THADA: variants seen among roughly 807,000 people sequenced by gnomAD.
THADA encodes the protein THADA armadillo repeat containing.
THADA carries 213 observed loss-of-function variants against 219.8 expected under a neutral mutation model. The ratio of observed to expected loss-of-function variants is 0.97; its 90% CI spans 0.87 to 1.09. THADA has a LOEUF of 1.09. Ranked by LOEUF, THADA falls within the 50% of genes least tolerant of loss-of-function variation. THADA has a pLI of 0.00. For missense variants in THADA, 2,956 were observed against 2,311.3 expected, an observed-to-expected ratio of 1.28 and a Z score of -5.72; for synonymous variants, 1,018 against 828.9, an observed-to-expected ratio of 1.23 and a Z score of -3.92.
At chr2:43,570,632 A>G (rs1699188904) in intron 13 of THADA, 122 bp from the exon 14 acceptor site, 1 of 990,544 alleles carries the variant, frequency 1.0e-6, no homozygotes, top group Non-Finnish European at 1.4e-6. Flanking sequence ...TAAGCTCTTA[A>G]TATTTTATAA....
intron 29 of THADA, among the ~76,000 whole-genome samples, chr2:43,377,558 G>A (rs764570636): frequency 2.0e-4 from 31 of 152,182 alleles, no homozygotes; most frequent in African/African-American, 6.3e-4. Flanking sequence ...AGCTTACAGC[G>A]ATGAAAAACT....
chr2:43,592,423 G>C lies in THADA; in HGVS notation c.-24-7C>G. On this transcript the variant is annotated splice_region_variant and splice_polypyrimidine_tract_variant and intron_variant, in intron 1 of 37. Coordinates refer to ENST00000405975, the MANE Select transcript of THADA (RefSeq NM_022065.5). ...ATAGAATTAATAGTAGTCACTGCAA[G>C]AAAGAAGACTTTAAGGCATTAATGT... 6.7e-7 allele frequency: 1 copy of C among 1,483,244 alleles called. No homozygotes were observed. The highest frequency in any genetic ancestry group is 9.3e-7 in the Non-Finnish European group (1 of 1,080,658). The allele number at this position is 1,483,244 out of a possible 1,614,324, so 91.9% of individuals were successfully genotyped here. A position where few individuals can be genotyped will look rare whatever the true frequency, so the allele number is the denominator to read the frequency against.
At chr2:43,450,750 AG>A (rs1682209519) in intron 26 of THADA, among the ~76,000 whole-genome samples, 1 of 152,244 alleles carries the variant, frequency 6.6e-6, no homozygotes, top group Non-Finnish European at 1.5e-5. Flanking sequence ...CTTTAGCTCT[AG>A]GGACACAAAT....
Position 43,232,749 on chromosome 2 carries a change from ACT to A in THADA, c.5428_5429del (p.Ser1810Ter), listed in dbSNP as rs1558439485. 7 of 1,613,354 alleles carry A rather than the reference ACT, an allele frequency of 4.3e-6. No individual in the cohort carries two copies. The highest frequency in any genetic ancestry group is 2.2e-5 in the East Asian group (1 of 44,848). On this transcript the variant is annotated frameshift_variant, in exon 37 of 38. Transcript: ENST00000405975. LOFTEE classifies it low-confidence loss of function (END_TRUNC). ...TCTCCACACAGGCCACGAGGTCATCACTCTCTCCCAACAGCCATCCCAGCAGG... is the reference window on the plus strand; with the variant it reads ...TCTCCACACAGGCCACGAGGTCATCACTCTCCCAACAGCCATCCCAGCAGG... ...PILLGWLLGE[S>X]DDLVACVESM...
chr2:43,367,421 T>G (rs1670288875), intron 29 of THADA, among the ~76,000 whole-genome samples: 1 of 152,238 alleles, frequency 6.6e-6, no homozygotes, highest in Non-Finnish European at 1.5e-5. Flanking sequence ...GTAATATTTT[T>G]GGGTCATGTT....
chr2:43,500,722 G>A (rs1331305115), intron 24 of THADA, among the ~76,000 whole-genome samples: 1 of 152,080 alleles, frequency 6.6e-6, no homozygotes, highest in Non-Finnish European at 1.5e-5. Context: ...GGTTCCAGCA[G>A]CAAAGTACAA....
At chr2:43,272,390 C>T (rs1672227627) in intron 36 of THADA, among the ~76,000 whole-genome samples, 1 of 152,132 alleles carries the variant, frequency 6.6e-6, no homozygotes. Context: ...GGCAGGAAGA[C>T]CAGGCTGTAG....
rs1411731292 is a variant in THADA, at chr2:43,231,068, G to A, written c.5742C>T (p.Cys1914=). 2 of 1,613,954 alleles carry A rather than the reference G, an allele frequency of 1.2e-6. No homozygotes were observed. The highest frequency in any genetic ancestry group is 2.7e-5 in the African/African-American group (2 of 75,034). Residue 1914 remains cysteine (C), a synonymous_variant, in exon 38 of 38, where the codon TGC becomes TGT. Coordinates refer to ENST00000405975, the MANE Select transcript of THADA (RefSeq NM_022065.5). The part of the protein sequence containing the change: ...LRIQEERTLA[C]LRLLAFLEGK... ...CTTCCAAAAAGGCCAGCAGCCTCAA[G>A]CAAGCCAAAGTCCTTTCCTCTTGAA...
chr2:43,428,210 A>G lies in THADA; in HGVS notation c.3948T>C (p.Arg1316=). 1.2e-6 allele frequency: 2 copies of G among 1,602,306 alleles called. No homozygotes were observed. The highest frequency in any genetic ancestry group is 8.5e-7 in the Non-Finnish European group (1 of 1,173,374). The stretch of plus-strand genomic sequence containing the variant: ...AAAGTAAGAGAAACATGCTTGGATG[A>G]CGATTTGGTTCTCCCATATCACTGA... ...TVDSDMGEPN[R]HPSMFLLLLV... Residue 1316 remains arginine (R), a synonymous_variant, in exon 28 of 38, where the codon CGT becomes CGC. Coordinates refer to ENST00000405975, the MANE Select transcript of THADA (RefSeq NM_022065.5).
chr2:43,569,962 G>T (rs1038214036), intron 14 of THADA, among the ~76,000 whole-genome samples: 2 of 152,138 alleles, frequency 1.3e-5, no homozygotes, highest in African/African-American at 4.8e-5. Flanking sequence ...CAGACAGCAA[G>T]CTCCCTCCAC....
At chr2:43,593,683 G>C (rs1053929105) in intron 1 of THADA, among the ~76,000 whole-genome samples, 9 of 149,336 alleles carry the variant, frequency 6.0e-5, no homozygotes, top group African/African-American at 2.3e-4. Flanking sequence ...GCCCATGCTG[G>C]AGTGCAGTGG....
intron 22 of THADA, among the ~76,000 whole-genome samples, chr2:43,522,879 C>G (rs1325956901): frequency 6.6e-6 from 1 of 151,962 alleles, no homozygotes; most frequent in East Asian, 1.9e-4. Flanking sequence ...CAAGATCGCG[C>G]CACTGCAGTC....
At chr2:43,564,494 T>A (rs1437136915) in intron 15 of THADA, 1 of 152,292 alleles carries the variant, frequency 6.6e-6, no homozygotes, top group African/African-American at 2.4e-5. Flanking sequence ...TCTGCCTCTG[T>A]CTTGTAAGGA....
chr2:43,309,246 T>C (rs35609487), intron 31 of THADA, among the ~76,000 whole-genome samples: 1,879 of 152,350 alleles, frequency 0.012, 19 homozygotes, highest in Non-Finnish European at 0.021. Flanking sequence ...TTCTCATGAA[T>C]GCAAGGTGGG....
intron 29 of THADA, among the ~76,000 whole-genome samples, chr2:43,375,592 T>A (rs557750788): frequency 2.0e-5 from 3 of 152,322 alleles, no homozygotes; most frequent in African/African-American, 7.2e-5. Context: ...AGCGTTAAAG[T>A]GAAGCTAGCA....
intron 30 of THADA, among the ~76,000 whole-genome samples, chr2:43,332,603 A>T (rs561381701): frequency 6.6e-6 from 1 of 152,346 alleles, no homozygotes; most frequent in South Asian, 2.1e-4. Context: ...AAGATGGAAG[A>T]TGTTACATGC....
intron 25 of THADA, chr2:43,492,266 T>C (rs914324407): frequency 5.4e-5 from 8 of 148,258 alleles, no homozygotes; most frequent in African/African-American, 2.0e-4. Context: ...TGAGCCAAGA[T>C]GGCGCCACTG....
intron 26 of THADA, among the ~76,000 whole-genome samples, chr2:43,432,099 G>A (rs1422277091): frequency 1.6e-5 from 2 of 125,482 alleles, no homozygotes; most frequent in Non-Finnish European, 3.4e-5. Context: ...CTCGTGATCC[G>A]CCCGCCTCGG....
chr2:43,524,752 C>A (rs947850701), intron 22 of THADA, among the ~76,000 whole-genome samples: 5 of 152,174 alleles, frequency 3.3e-5, no homozygotes, highest in African/African-American at 1.2e-4. Flanking sequence ...GAACTCCTAA[C>A]AGGTTGGTTA....
Sources: gnomAD v4.1 joint callset for allele counts (sites outside exome capture counted in the v4.1 genomes callset) on GRCh38, gnomAD v4.1.1 for gene constraint, MANE v1.5 for transcripts, NCBI Gene and HGNC (gene_info 2026-07-23, HGNC 2026-07-21) for gene names.